The following SNX29 variants were observed in gnomAD, a reference collection of about 807,000 sequenced individuals.
SNX29 encodes the protein sorting nexin 29.
Under a neutral mutation model 102.1 loss-of-function variants are expected in SNX29, and 78 were observed. The observed-to-expected ratio is 0.76, with a 90% CI of 0.64 to 0.92. The LOEUF (loss-of-function observed/expected upper bound fraction) is 0.92, where lower values mean the gene tolerates loss of function less well. SNX29 is among the 40% of genes least tolerant of loss of function. SNX29 has a pLI of 0.00. For missense variants in SNX29, 1,280 were observed against 1,061.7 expected, an observed-to-expected ratio of 1.21 and a Z score of -2.86; for synonymous variants, 580 against 414.5, an observed-to-expected ratio of 1.40 and a Z score of -4.85.
At chr16:12,534,010 G>A (rs1217322216) in intron 20 of SNX29, among the ~76,000 whole-genome samples, 1 of 152,232 alleles carries the variant, frequency 6.6e-6, no homozygotes, top group Non-Finnish European at 1.5e-5. Flanking sequence ...AAGCCTTCCA[G>A]GGCAAAAGGG....
chr16:12,041,152 C>T (rs2151173724), intron 4 of SNX29, among the ~76,000 whole-genome samples: 1 of 152,092 alleles, frequency 6.6e-6, no homozygotes, highest in South Asian at 2.1e-4. Flanking sequence ...TGCTCTGTCG[C>T]CCAGGCTGGA....
chr16:12,278,061 CTTTG>C, intron 15 of SNX29, 25 bp downstream of exon 15: 1 of 1,564,364 alleles, frequency 6.4e-7, no homozygotes, highest in Non-Finnish European at 8.7e-7. Flanking sequence ...GTCTGTGTGT[CTTTG>C]TTTCTGATGT....
intron 19 of SNX29, chr16:12,515,547 C>G (rs1471014991): frequency 2.0e-6 from 1 of 492,218 alleles, no homozygotes; most frequent in Admixed American, 2.3e-5. Flanking sequence ...CAGCAGCATC[C>G]TTGCTGGCCT....
At chr16:12,549,528 C>G (rs905672294) in intron 20 of SNX29, among the ~76,000 whole-genome samples, 1 of 67,674 alleles carries the variant, frequency 1.5e-5, no homozygotes, top group African/African-American at 1.3e-4. Context: ...CATCCTCTAT[C>G]TCAAATAGCC....
At chr16:12,244,960 A>G (rs2078217483) in intron 14 of SNX29, among the ~76,000 whole-genome samples, 1 of 152,252 alleles carries the variant, frequency 6.6e-6, no homozygotes, top group Non-Finnish European at 1.5e-5. Context: ...AGATCTAATT[A>G]TAATATTTGT....
intron 14 of SNX29, among the ~76,000 whole-genome samples, chr16:12,204,738 C>T (rs1308633645): frequency 6.6e-6 from 1 of 152,238 alleles, no homozygotes; most frequent in Non-Finnish European, 1.5e-5. Context: ...AGTCATCAGC[C>T]TGTCTGGTGT....
intron 16 of SNX29, among the ~76,000 whole-genome samples, chr16:12,389,119 T>A (rs1282282150): frequency 1.3e-5 from 2 of 152,220 alleles, no homozygotes; most frequent in Non-Finnish European, 2.9e-5. Context: ...CCACTCCCCA[T>A]GTTACTGTAA....
chr16:12,003,990 C>T (rs776274881), intron 3 of SNX29, among the ~76,000 whole-genome samples: 28 of 151,602 alleles, frequency 1.8e-4, no homozygotes, highest in Non-Finnish European at 2.5e-4. Flanking sequence ...GAGCTGAGAT[C>T]GCGCCACTGT....
At chr16:12,089,166 A>C in intron 11 of SNX29, among the ~76,000 whole-genome samples, 1 of 150,470 alleles carries the variant, frequency 6.6e-6, no homozygotes, top group African/African-American at 2.4e-5. Context: ...GAAAGAAAGA[A>C]AGAAAGAAAA....
intron 13 of SNX29, among the ~76,000 whole-genome samples, chr16:12,142,080 G>C (rs1409870889): frequency 6.6e-6 from 1 of 152,196 alleles, no homozygotes; most frequent in African/African-American, 2.4e-5. Context: ...TTTCCCAAGT[G>C]TTCTCTTTTT....
chr16:12,427,094 G>C (rs532481551), intron 18 of SNX29, among the ~76,000 whole-genome samples: 1 of 152,126 alleles, frequency 6.6e-6, no homozygotes, highest in Non-Finnish European at 1.5e-5. Context: ...TAATTAAAAT[G>C]TATATATTAG....
At chr16:12,041,519 C>G (rs1400464943) in intron 4 of SNX29, among the ~76,000 whole-genome samples, 3 of 152,246 alleles carry the variant, frequency 2.0e-5, no homozygotes, top group African/African-American at 7.2e-5. Context: ...AGTCCCCAAT[C>G]AGTTTCACTG....
chr16:12,565,169 C>T (rs529311863), intron 20 of SNX29, among the ~76,000 whole-genome samples: 2 of 152,142 alleles, frequency 1.3e-5, no homozygotes, highest in Admixed American at 6.5e-5. Context: ...TACTCCCAGT[C>T]CTACCCAACC....
At chr16:12,005,315 T>G (rs2056417601) in intron 3 of SNX29, among the ~76,000 whole-genome samples, 1 of 152,170 alleles carries the variant, frequency 6.6e-6, no homozygotes, top group African/African-American at 2.4e-5. Context: ...GGCTTATTGA[T>G]TAATGATCCT....
chr16:12,116,072 T>A (rs1451668345), intron 11 of SNX29, among the ~76,000 whole-genome samples: 1 of 152,234 alleles, frequency 6.6e-6, no homozygotes, highest in African/African-American at 2.4e-5. Flanking sequence ...GCCATACTAA[T>A]TTCCAAACTC....
At chr16:12,008,860 G>C (rs767682154) in intron 3 of SNX29, among the ~76,000 whole-genome samples, 3 of 151,466 alleles carry the variant, frequency 2.0e-5, no homozygotes, top group Non-Finnish European at 2.9e-5. Context: ...TCTTGACTCA[G>C]CCTCCCTAGT....
intron 18 of SNX29, among the ~76,000 whole-genome samples, chr16:12,427,208 C>G (rs1378543728): frequency 6.6e-6 from 1 of 152,044 alleles, no homozygotes; most frequent in Non-Finnish European, 1.5e-5. Context: ...CGGTGCCAAC[C>G]CTCTGTCACC....
At chr16:12,213,665 G>A (rs1293927927) in intron 14 of SNX29, among the ~76,000 whole-genome samples, 2 of 152,150 alleles carry the variant, frequency 1.3e-5, no homozygotes, top group African/African-American at 2.4e-5. Context: ...TCTCCAAGTG[G>A]ATAAATAATT....
intron 13 of SNX29, among the ~76,000 whole-genome samples, chr16:12,166,055 T>C (rs1452066528): frequency 6.6e-6 from 1 of 152,254 alleles, no homozygotes; most frequent in Non-Finnish European, 1.5e-5. Flanking sequence ...TTAATCCATG[T>C]CATCTATTCA....
Sources: allele counts gnomAD v4.1 joint callset (sites outside exome capture counted in the v4.1 genomes callset), GRCh38; gene constraint gnomAD v4.1.1; transcripts MANE v1.5; gene names NCBI Gene and HGNC (gene_info 2026-07-23, HGNC 2026-07-21).